The following CFAP20DC variants were observed in gnomAD, a reference collection of about 807,000 sequenced individuals.
CFAP20DC encodes the protein CFAP20 domain containing, also known as protein CFAP20DC.
Under a neutral mutation model 101.7 loss-of-function variants are expected in CFAP20DC, and 84 were observed. The ratio of observed to expected loss-of-function variants is 0.83; its 90% CI spans 0.69 to 0.99. The LOEUF is 0.99. Ranked by LOEUF, CFAP20DC falls within the 50% of genes least tolerant of loss-of-function variation. The pLI is 0.00. For missense variants in CFAP20DC, 1,007 were observed against 970.3 expected (o/e 1.04, Z -0.50); for synonymous variants, 359 against 351.2 (o/e 1.02, Z -0.25).
rs1271679270 is a variant in CFAP20DC at position 58,897,481 on chromosome 3, C to A, written c.551-12772G>T. On this transcript the variant is annotated intron_variant, in intron 6 of 16. Coordinates refer to ENST00000482387, the MANE Select transcript of CFAP20DC (RefSeq NM_001394063.1). This position sits in a 1 kb window ranked among gnomAD's most constrained non-coding sequence, Gnocchi z 4.4. ...GTTACTGGGCTGTGTACTTCAGATA[C>A]ACTGTACTTCAGTGTGTTTTTGTAG... 6.6e-6 allele frequency among the ~76,000 whole-genome samples: 1 copy of A among 152,224 alleles called. No individual in the cohort carries two copies. Among genetic ancestry groups the A allele is most frequent in the East Asian group, 1.9e-4 (1 of 5,204 alleles).
intron 5 of CFAP20DC, among the ~76,000 whole-genome samples, chr3:58,933,813 A>C (rs2087096584): frequency 6.6e-6 from 1 of 152,026 alleles, no homozygotes; most frequent in African/African-American, 2.4e-5. Flanking sequence ...GCCCAAAAAG[A>C]AAGCAGGAAA....
chr3:58,846,645 A>G (rs1205810324), intron 13 of CFAP20DC, among the ~76,000 whole-genome samples: 6 of 151,776 alleles, frequency 4.0e-5, no homozygotes, highest in Non-Finnish European at 8.8e-5. Flanking sequence ...GACTTTCTTC[A>G]CAGAATTGGA....
chr3:58,743,983 C>T (rs2068028643), intron 16 of CFAP20DC, among the ~76,000 whole-genome samples: 1 of 152,192 alleles, frequency 6.6e-6, no homozygotes, highest in African/African-American at 2.4e-5. Flanking sequence ...GAAACAATCC[C>T]TATTCTAATG....
chr3:59,029,633 G>C (rs1392354316), intron 4 of CFAP20DC, among the ~76,000 whole-genome samples: 1 of 152,104 alleles, frequency 6.6e-6, no homozygotes, highest in Non-Finnish European at 1.5e-5. Context: ...GAACACCCAG[G>C]AGTACTGTGA....
Position 58,724,509 on chromosome 3 carries a change from C to T in CFAP20DC, c.198-6881G>A, listed in dbSNP as rs905645056. ...ACAGACGTGTGGGCTCCTATTTAAG[C>T]CCGCTCCCACTAGCTACTCTCCGAT... On this transcript the variant is annotated intron_variant, in intron 3 of 3. Transcript: ENST00000486145. The surrounding 1 kb of genome is among the most constrained non-coding windows in gnomAD (Gnocchi z 5.6). 6.6e-5 allele frequency among the ~76,000 whole-genome samples: 10 copies of T among 152,126 alleles called. No homozygotes were observed. The highest frequency in any genetic ancestry group is 1.5e-5 in the Non-Finnish European group (1 of 68,022).
rs1419678158 is a variant in CFAP20DC, at chr3:58,729,725, T to C, written c.198-12097A>G. Among the ~76,000 whole-genome samples, 2 of 152,142 alleles carry C rather than the reference T, an allele frequency of 1.3e-5. No individual in the cohort carries two copies. The highest frequency in any genetic ancestry group is 6.5e-5 in the Admixed American group (1 of 15,276). ...TCTATACCAAATTAGTCTGCTATTA[T>C]TGAAAGTTGAGGCTGGGATCGGTGG... On this transcript the variant is annotated intron_variant, in intron 3 of 3. Transcript: ENST00000486145. This position sits in a 1 kb window ranked among gnomAD's most constrained non-coding sequence, Gnocchi z 4.4.
At position 59,006,384 on chromosome 3, in the gene CFAP20DC, A is replaced by T. The variant is rs2093434329; in HGVS notation, c.278+33173T>A. On this transcript the variant is annotated intron_variant, in intron 4 of 16. Transcript: ENST00000482387. This position sits in a 1 kb window ranked among gnomAD's most constrained non-coding sequence, Gnocchi z 4.3. ...CACACCATGAACTTTCTTTCCAAGT[A>T]CCACTGCAGGAATCTACCAGGAAAA... is the stretch of plus-strand genomic sequence containing the variant. 6.6e-6 allele frequency among the ~76,000 whole-genome samples: 1 copy of T among 152,240 alleles called. No homozygotes were observed. Among genetic ancestry groups the T allele is most frequent in the South Asian group, 2.1e-4 (1 of 4,832 alleles).
intron 1 of CFAP20DC, among the ~76,000 whole-genome samples, chr3:59,048,476 C>A (rs1700042077): frequency 6.6e-6 from 1 of 152,090 alleles, no homozygotes; most frequent in Admixed American, 6.5e-5. Flanking sequence ...AAGACAAAAG[C>A]CCTCATACTC....
intron 4 of CFAP20DC, among the ~76,000 whole-genome samples, chr3:58,943,627 A>C (rs1428683904): frequency 6.6e-6 from 1 of 152,220 alleles, no homozygotes; most frequent in Non-Finnish European, 1.5e-5. Flanking sequence ...AAACCAGCAC[A>C]AAAAGGCTGA....
chr3:58,982,507 C>T (rs1174247326), intron 4 of CFAP20DC, among the ~76,000 whole-genome samples: 2 of 151,744 alleles, frequency 1.3e-5, no homozygotes, highest in Non-Finnish European at 2.9e-5. Flanking sequence ...ACATATACAC[C>T]ATGGAATACT....
At chr3:58,765,821 G>A (rs79532078) in intron 15 of CFAP20DC, among the ~76,000 whole-genome samples, 8,442 of 152,150 alleles carry the variant, frequency 0.055, 519 homozygotes, top group East Asian at 0.35. Context: ...TTCACTGAAA[G>A]AAATTTAGAT....
At chr3:58,974,202 T>G (rs574973223) in intron 4 of CFAP20DC, among the ~76,000 whole-genome samples, 1 of 152,248 alleles carries the variant, frequency 6.6e-6, no homozygotes, top group East Asian at 1.9e-4. Context: ...TCTTGTCACC[T>G]AGGTAGTGAG....
chr3:58,949,221 T>C (rs533352766), intron 4 of CFAP20DC, among the ~76,000 whole-genome samples: 2 of 152,166 alleles, frequency 1.3e-5, no homozygotes, highest in Admixed American at 6.6e-5. Flanking sequence ...TTTGTTGATC[T>C]TTTCAAAAAA....
downstream of CFAP20DC, among the ~76,000 whole-genome samples, chr3:58,738,357 C>A (rs1043402866): frequency 2.0e-5 from 3 of 151,804 alleles, no homozygotes; most frequent in Non-Finnish European, 4.4e-5. The surrounding 1 kb of genome is among the most constrained non-coding windows in gnomAD (Gnocchi z 4.4). Context: ...CCACCCCCAA[C>A]AGGCCCCAGT....
intron 4 of CFAP20DC, among the ~76,000 whole-genome samples, chr3:58,990,483 A>G (rs1363852434): frequency 3.9e-5 from 6 of 152,164 alleles, no homozygotes; most frequent in Non-Finnish European, 7.4e-5. Context: ...GAGCTTTTCC[A>G]GGTCCTAGAA....
intron 15 of CFAP20DC, among the ~76,000 whole-genome samples, chr3:58,796,044 G>A (rs562479125): frequency 6.6e-6 from 1 of 152,296 alleles, no homozygotes; most frequent in Non-Finnish European, 1.5e-5. Flanking sequence ...CAGGGGTGGG[G>A]ACCAAGACAT....
intron 3 of CFAP20DC, among the ~76,000 whole-genome samples, 182 bp downstream of exon 3, chr3:59,046,046 AT>A (rs1055174318): frequency 3.3e-5 from 5 of 152,004 alleles, no homozygotes; most frequent in African/African-American, 9.7e-5. Context: ...GGTAGAATAT[AT>A]TTTTTTAAAG....
chr3:58,753,135 C>T (rs1442666952), intron 16 of CFAP20DC, among the ~76,000 whole-genome samples: 1 of 152,210 alleles, frequency 6.6e-6, no homozygotes, highest in Non-Finnish European at 1.5e-5. Flanking sequence ...ATCTTTATGG[C>T]TCATGCCAAC....
intron 4 of CFAP20DC, among the ~76,000 whole-genome samples, chr3:58,962,021 T>C (rs1176953266): frequency 1.3e-5 from 2 of 152,220 alleles, no homozygotes; most frequent in Non-Finnish European, 2.9e-5. Context: ...TTCTGATCTG[T>C]GATTTCTACT....
Sources: allele counts gnomAD v4.1 joint callset (sites outside exome capture counted in the v4.1 genomes callset), GRCh38; gene constraint gnomAD v4.1.1; non-coding constraint Gnocchi (gnomAD v3.1); transcripts MANE v1.5; gene names NCBI Gene and HGNC (gene_info 2026-07-23, HGNC 2026-07-21).